GALNT13: variants seen among roughly 807,000 people sequenced by gnomAD.
GALNT13 encodes UDP-GalNAc:polypeptide N-acetylgalactosaminyltransferase 13.
GALNT13 carries 28 observed loss-of-function variants against 64.2 expected under a neutral mutation model. That is an observed-to-expected ratio of 0.44 (90% confidence interval 0.32 to 0.60). The LOEUF (loss-of-function observed/expected upper bound fraction) is 0.60. Ranked by LOEUF, GALNT13 falls within the 20% of genes least tolerant of loss-of-function variation. The pLI is 0.05. For missense variants in GALNT13, 577 were observed against 669.8 expected, an observed-to-expected ratio of 0.86 and a Z score of 1.53; for synonymous variants, 214 against 224.6, an observed-to-expected ratio of 0.95 and a Z score of 0.42.
At chr2:153,681,509 ACTCT>A in the GALNT13 span, among the ~76,000 whole-genome samples, 3 of 151,604 alleles carry the variant, frequency 2.0e-5, no homozygotes, top group African/African-American at 7.3e-5. Context: ...TTATCTCCCC[ACTCT>A]CTATCATTAA....
At chr2:154,209,125 G>A (rs576128563) in intron 4 of GALNT13, among the ~76,000 whole-genome samples, 2 of 150,960 alleles carry the variant, frequency 1.3e-5, no homozygotes, top group African/African-American at 2.4e-5. Context: ...TAAAAAAAAA[G>A]GTGTTTGTTA....
chr2:154,324,805 T>C (rs1574088858), intron 9 of GALNT13, among the ~76,000 whole-genome samples: 1 of 151,852 alleles, frequency 6.6e-6, no homozygotes, highest in Admixed American at 6.6e-5. Flanking sequence ...CCGGCAGGAG[T>C]GTGGTTGCTT....
chr2:153,853,722 ACAATTGTAT>A, the GALNT13 span, among the ~76,000 whole-genome samples: 1 of 150,154 alleles, frequency 6.7e-6, no homozygotes, highest in Non-Finnish European at 1.5e-5. Context: ...ATTATATATT[ACAATTGTAT>A]TATACAATTG....
the GALNT13 span, among the ~76,000 whole-genome samples, chr2:153,836,658 T>G: frequency 1.8e-5 from 2 of 109,144 alleles, no homozygotes; most frequent in African/African-American, 7.5e-5. Context: ...TCCCTCCCCC[T>G]CCCCCCTCCC....
the GALNT13 span, among the ~76,000 whole-genome samples, chr2:153,745,283 G>A: frequency 2.0e-5 from 3 of 152,150 alleles, no homozygotes; most frequent in Non-Finnish European, 2.9e-5. Context: ...AAAAGAGCTG[G>A]TTATTTAAAA....
chr2:153,673,711 A>G, the GALNT13 span, among the ~76,000 whole-genome samples: 30 of 152,224 alleles, frequency 2.0e-4, no homozygotes, highest in Non-Finnish European at 4.0e-4. Context: ...GGCCAGGGCA[A>G]TCAGACAAGA....
At chr2:153,561,895 A>C in the GALNT13 span, among the ~76,000 whole-genome samples, 2 of 152,150 alleles carry the variant, frequency 1.3e-5, no homozygotes, top group South Asian at 4.1e-4. Context: ...TATTTTAGCA[A>C]CAAATTTCCA....
chr2:153,994,390 T>C (rs1326686244), intron 3 of GALNT13, among the ~76,000 whole-genome samples: 1 of 152,088 alleles, frequency 6.6e-6, no homozygotes, highest in Non-Finnish European at 1.5e-5. Context: ...TGTGCACATC[T>C]TCTTATAGCA....
chr2:153,982,887 G>A (rs771553483), intron 3 of GALNT13, among the ~76,000 whole-genome samples: 21 of 151,902 alleles, frequency 1.4e-4, no homozygotes, highest in Non-Finnish European at 2.9e-4. Context: ...TTTCTCTGCC[G>A]TGGTGCTGAG....
At chr2:153,217,977 T>C in the GALNT13 span, among the ~76,000 whole-genome samples, 6 of 152,308 alleles carry the variant, frequency 3.9e-5, no homozygotes, top group Middle Eastern at 0.017. Context: ...GCTAAGTCTT[T>C]AGTGTGGGGA....
the GALNT13 span, among the ~76,000 whole-genome samples, chr2:153,536,674 T>A: frequency 4.9e-4 from 74 of 152,354 alleles, no homozygotes; most frequent in African/African-American, 1.6e-3. Flanking sequence ...TTCATTAGCA[T>A]ATAATAGTGT....
At chr2:153,975,636 ATTC>A (rs1047818525) in intron 3 of GALNT13, among the ~76,000 whole-genome samples, 4 of 152,174 alleles carry the variant, frequency 2.6e-5, no homozygotes, top group African/African-American at 9.6e-5. Context: ...AAAAATAACA[ATTC>A]TTCTTAATTT....
At chr2:153,249,338 C>A in the GALNT13 span, among the ~76,000 whole-genome samples, 1 of 152,072 alleles carries the variant, frequency 6.6e-6, no homozygotes, top group Non-Finnish European at 1.5e-5. Context: ...AGGACCTCTT[C>A]AAGGAGAACT....
intron 3 of GALNT13, among the ~76,000 whole-genome samples, chr2:154,037,851 G>A (rs544031550): frequency 2.2e-4 from 33 of 152,198 alleles, no homozygotes; most frequent in African/African-American, 7.2e-4. Flanking sequence ...GGTGAAAGAG[G>A]ACATAAAAAT....
chr2:153,834,662 T>C, the GALNT13 span, among the ~76,000 whole-genome samples: 3 of 152,146 alleles, frequency 2.0e-5, no homozygotes, highest in Non-Finnish European at 2.9e-5. Flanking sequence ...GCTCAAAACA[T>C]ATCTGAAAGT....
At chr2:153,743,485 A>G in the GALNT13 span, among the ~76,000 whole-genome samples, 1 of 150,944 alleles carries the variant, frequency 6.6e-6, no homozygotes, top group African/African-American at 2.4e-5. Context: ...TTTTGAACCT[A>G]CTTTATTTCA....
the GALNT13 span, among the ~76,000 whole-genome samples, chr2:153,818,053 G>T: frequency 6.6e-6 from 1 of 152,220 alleles, no homozygotes; most frequent in Admixed American, 6.5e-5. Flanking sequence ...CACAGAGAAT[G>T]GAGAGGAATA....
At chr2:153,486,382 C>T in the GALNT13 span, among the ~76,000 whole-genome samples, 5 of 151,600 alleles carry the variant, frequency 3.3e-5, no homozygotes, top group African/African-American at 1.2e-4. Context: ...GAAAAATAAC[C>T]GAGGTTGTGG....
At chr2:154,428,856 A>G (rs1203397752) in intron 11 of GALNT13, among the ~76,000 whole-genome samples, 10 of 149,954 alleles carry the variant, frequency 6.7e-5, no homozygotes, top group Non-Finnish European at 1.5e-4. Context: ...ATCTCTGCTC[A>G]CTGCAAGCTC....
Sources: gnomAD v4.1 joint callset for allele counts (sites outside exome capture counted in the v4.1 genomes callset) on GRCh38, gnomAD v4.1.1 for gene constraint, MANE v1.5 for transcripts, NCBI Gene and HGNC (gene_info 2026-07-23, HGNC 2026-07-21) for gene names.